SYN3: variants seen among roughly 807,000 people sequenced by gnomAD.
The protein encoded by SYN3 is synapsin III.
SYN3 carries 35 observed loss-of-function variants against 65.8 expected under a neutral mutation model. That is an observed-to-expected ratio of 0.53 (90% CI 0.41 to 0.70). The LOEUF (loss-of-function observed/expected upper bound fraction) is 0.70. Ranked by LOEUF, SYN3 falls within the 30% of genes least tolerant of loss-of-function variation. SYN3 has a pLI of 0.00. For missense variants in SYN3, 680 were observed against 749.0 expected (o/e 0.91, Z 1.08); for synonymous variants, 270 against 292.9 (o/e 0.92, Z 0.80).
At chr22:32,795,052 A>T (rs2046399415) in intron 6 of SYN3, among the ~76,000 whole-genome samples, 1 of 152,162 alleles carries the variant, frequency 6.6e-6, no homozygotes, top group African/African-American at 2.4e-5. Context: ...ATTCTATGTG[A>T]AGAGGGCCTC....
chr22:32,566,123 G>A (rs1310131002), intron 7 of SYN3, among the ~76,000 whole-genome samples: 1 of 152,096 alleles, frequency 6.6e-6, no homozygotes, highest in African/African-American at 2.4e-5. Context: ...GATTACAGGT[G>A]TGAGCCACTG....
intron 6 of SYN3, among the ~76,000 whole-genome samples, chr22:32,840,504 C>A (rs1357053591): frequency 6.6e-6 from 1 of 152,102 alleles, no homozygotes; most frequent in Non-Finnish European, 1.5e-5. Flanking sequence ...GCTCCCCACC[C>A]CCAGCCCCCA....
intron 6 of SYN3, among the ~76,000 whole-genome samples, chr22:32,602,514 T>A (rs1200761261): frequency 1.3e-5 from 2 of 152,044 alleles, no homozygotes; most frequent in African/African-American, 4.8e-5. Context: ...CAGGCTGGAG[T>A]GTAGTGACAC....
In SYN3 at chr22:32,914,684, C is replaced by T. The variant is rs186936738; in HGVS notation, c.461+16706G>A. Among the ~76,000 whole-genome samples the T allele has an allele frequency of 2.0e-4, 31 of 152,100 alleles. No individual in the cohort carries two copies. In the East Asian group the frequency reaches 2.9e-3, roughly 14 times the overall value. On this transcript the variant is annotated intron_variant, in intron 4 of 13. Transcript: ENST00000358763. Reference sequence around the variant, plus strand: ...GTCTCAATCTCCTGACCTTGTGATCCGCCCGCCTCGGCCTCCCAAAGTGCT... The same window carrying T: ...GTCTCAATCTCCTGACCTTGTGATCTGCCCGCCTCGGCCTCCCAAAGTGCT...
intron 4 of SYN3, among the ~76,000 whole-genome samples, chr22:32,905,769 C>A (rs377237443): frequency 5.3e-5 from 8 of 152,222 alleles, no homozygotes; most frequent in African/African-American, 1.9e-4. Flanking sequence ...CCTATATGGG[C>A]AGCTCTGGCC....
chr22:32,878,425 G>C (rs891244669), intron 4 of SYN3, among the ~76,000 whole-genome samples: 3 of 152,158 alleles, frequency 2.0e-5, no homozygotes, highest in Non-Finnish European at 4.4e-5. Context: ...CCTCATGCTT[G>C]AGACACCTTA....
intron 6 of SYN3, 126 bp downstream of exon 6, chr22:32,864,789 C>T (rs1351443478): frequency 8.2e-6 from 7 of 855,834 alleles, no homozygotes; most frequent in Non-Finnish European, 1.1e-5. Context: ...TGTGACTCCG[C>T]CTTAGAGTCT....
intron 6 of SYN3, chr22:32,635,059 GAGA>G (rs2059796439): frequency 6.6e-6 from 1 of 152,108 alleles, no homozygotes; most frequent in African/African-American, 2.4e-5. Flanking sequence ...GGTCTACTGG[GAGA>G]ACCCTCATGA....
At chr22:32,938,897 C>G (rs967659857) in intron 3 of SYN3, among the ~76,000 whole-genome samples, 1 of 141,612 alleles carries the variant, frequency 7.1e-6, no homozygotes, top group South Asian at 2.2e-4. Flanking sequence ...CACTGCACTT[C>G]GGCCTGGACA....
At chr22:32,741,399 A>C (rs191309062) in intron 6 of SYN3, among the ~76,000 whole-genome samples, 23 of 119,316 alleles carry the variant, frequency 1.9e-4, no homozygotes, top group African/African-American at 6.9e-4. Flanking sequence ...TCTGCCGCCC[A>C]GTCTGGAGTG....
chr22:32,786,099 C>T (rs1477170860), intron 6 of SYN3, among the ~76,000 whole-genome samples: 3 of 152,224 alleles, frequency 2.0e-5, no homozygotes, highest in Non-Finnish European at 4.4e-5. Flanking sequence ...AGTGCTTGGC[C>T]CTTAGGGCTC....
chr22:32,953,891 T>C (rs1400380130), intron 3 of SYN3, among the ~76,000 whole-genome samples: 1 of 152,108 alleles, frequency 6.6e-6, no homozygotes, highest in Non-Finnish European at 1.5e-5. Context: ...GGAGTCAAGT[T>C]TGAGAAAAAT....
chr22:32,681,203 T>C (rs2060517787), intron 6 of SYN3, among the ~76,000 whole-genome samples: 2 of 152,076 alleles, frequency 1.3e-5, no homozygotes, highest in African/African-American at 4.8e-5. Flanking sequence ...CAGGGGGCCA[T>C]TTTGACCTCC....
intron 6 of SYN3, among the ~76,000 whole-genome samples, chr22:32,601,264 T>G (rs907629870): frequency 2.2e-5 from 3 of 134,138 alleles, no homozygotes; most frequent in Non-Finnish European, 4.6e-5. Flanking sequence ...AAATTTTCCT[T>G]TGCCTTTTTT....
intron 6 of SYN3, among the ~76,000 whole-genome samples, chr22:32,637,630 C>CTTTTTTTTTTTTTTTTTTTTTTTTTTTTT (rs1185407986): frequency 1.1e-5 from 1 of 93,562 alleles, no homozygotes; most frequent in Non-Finnish European, 2.0e-5. Context: ...TTTTCTTTTT[C>CTTTTTTTTTTTTTTTTTTTTTTTTTTTTT]TTTTTTTTTT....
At chr22:32,796,192 A>C (rs1415428347) in intron 6 of SYN3, among the ~76,000 whole-genome samples, 1 of 152,212 alleles carries the variant, frequency 6.6e-6, no homozygotes, top group African/African-American at 2.4e-5. Context: ...GACTGCTTGA[A>C]TATATGGTCA....
At chr22:33,001,125 T>C (rs1243071082) in intron 2 of SYN3, among the ~76,000 whole-genome samples, 2 of 152,052 alleles carry the variant, frequency 1.3e-5, no homozygotes, top group African/African-American at 4.8e-5. Context: ...AGTTAATGAG[T>C]CTTAGTTTCT....
At chr22:32,811,691 T>TG (rs1343365841) in intron 6 of SYN3, among the ~76,000 whole-genome samples, 1 of 152,094 alleles carries the variant, frequency 6.6e-6, no homozygotes, top group Non-Finnish European at 1.5e-5. Flanking sequence ...GGATGGTGAT[T>TG]GGGGGGTCGG....
intron 5 of SYN3, among the ~76,000 whole-genome samples, chr22:32,866,872 A>G (rs1434590742): frequency 6.6e-6 from 1 of 152,232 alleles, no homozygotes; most frequent in African/African-American, 2.4e-5. Flanking sequence ...CCAACTCTAC[A>G]TGGAACTTGT....
Sources: allele counts gnomAD v4.1 joint callset (sites outside exome capture counted in the v4.1 genomes callset), GRCh38; gene constraint gnomAD v4.1.1; transcripts MANE v1.5; gene names NCBI Gene and HGNC (gene_info 2026-07-23, HGNC 2026-07-21).